PBX3: variants seen among roughly 807,000 people sequenced by gnomAD.
PBX3 encodes the protein PBX homeobox 3.
In PBX3, 14 loss-of-function variants were observed where a neutral mutation model predicts 48.5. That is an observed-to-expected ratio of 0.29 (90% CI 0.19 to 0.45). The LOEUF (loss-of-function observed/expected upper bound fraction) is 0.45, where lower values mean the gene tolerates loss of function less well. Among genes scored for constraint, PBX3 ranks in the 20% least tolerant of loss-of-function variants. The pLI, the probability that PBX3 is intolerant of heterozygous loss-of-function variation, is 1.00. For missense variants in PBX3, 386 were observed against 546.7 expected, an observed-to-expected ratio of 0.71 and a Z score of 2.93; for synonymous variants, 210 against 200.3, an observed-to-expected ratio of 1.05 and a Z score of -0.41.
chr9:125,839,744 A>G (rs1839236860), intron 2 of PBX3, among the ~76,000 whole-genome samples: 1 of 152,212 alleles, frequency 6.6e-6, no homozygotes, highest in African/African-American at 2.4e-5. Flanking sequence ...GGACAAGAAG[A>G]CATGAAAGGC....
intron 3 of PBX3, among the ~76,000 whole-genome samples, chr9:125,919,283 G>A (rs375317784): frequency 4.2e-4 from 64 of 151,238 alleles, no homozygotes; most frequent in African/African-American, 1.5e-3. Flanking sequence ...GTGCAATCTC[G>A]GCTCACTGCG....
chr9:125,961,241 G>A (rs1223064630), intron 6 of PBX3, among the ~76,000 whole-genome samples: 2 of 152,236 alleles, frequency 1.3e-5, no homozygotes, highest in Non-Finnish European at 2.9e-5. Flanking sequence ...GAGGAAGCTG[G>A]AATGCTGGAG....
intron 2 of PBX3, among the ~76,000 whole-genome samples, chr9:125,836,497 G>T (rs1157262198): frequency 6.6e-6 from 1 of 152,160 alleles, no homozygotes. Context: ...TTGCCACAGG[G>T]TGGGAAGCGT....
intron 2 of PBX3, among the ~76,000 whole-genome samples, chr9:125,819,525 CAAAA>C: frequency 6.7e-6 from 1 of 149,316 alleles, no homozygotes; most frequent in East Asian, 2.0e-4. Flanking sequence ...AACTCCATCT[CAAAA>C]AAAAGAAAAA....
chr9:125,799,051 T>C (rs1381083879), intron 2 of PBX3, among the ~76,000 whole-genome samples: 1 of 152,232 alleles, frequency 6.6e-6, no homozygotes, highest in African/African-American at 2.4e-5. Context: ...CTGATGTTTT[T>C]GGGGTTGTCT....
intron 2 of PBX3, among the ~76,000 whole-genome samples, chr9:125,884,979 T>C (rs979596773): frequency 5.3e-5 from 8 of 152,200 alleles, no homozygotes; most frequent in Admixed American, 1.3e-4. Flanking sequence ...CATTGAATGA[T>C]AATGTTTATC....
At chr9:125,955,459 A>C (rs1352534240) in intron 5 of PBX3, among the ~76,000 whole-genome samples, 1 of 152,142 alleles carries the variant, frequency 6.6e-6, no homozygotes, top group Non-Finnish European at 1.5e-5. Context: ...GTCACTATAA[A>C]AAGGGGGTTT....
At position 125,902,944 on chromosome 9, in the gene PBX3, T is replaced by A. The variant is rs553172265; in HGVS notation, c.275-12742T>A. Among the ~76,000 whole-genome samples the A allele has an allele frequency of 3.3e-5, 5 of 151,904 alleles. No homozygotes were observed. In the South Asian group the frequency reaches 1.0e-3, roughly 31 times the overall value. On this transcript the variant is annotated intron_variant, in intron 2 of 8. Coordinates refer to ENST00000373489, the MANE Select transcript of PBX3 (RefSeq NM_006195.6). ...TTATGCTTTTTATTATTCTTTTTCT[T>A]TCTGGTAGAATGAATAAGTAATTCT...
At chr9:125,953,573 C>G (rs964810553) in intron 5 of PBX3, among the ~76,000 whole-genome samples, 1 of 152,028 alleles carries the variant, frequency 6.6e-6, no homozygotes, top group Non-Finnish European at 1.5e-5. Flanking sequence ...AAAGGGTATG[C>G]TAATGTTTGC....
At position 125,945,229 on chromosome 9, in the gene PBX3, GAA is replaced by G. The variant is rs61194830; in HGVS notation, c.843+9634_843+9635del. ...GAAGAGTGAGGCTCTGTCTCAAAAA[GAA>G]AAAAAAAAAAATAGCATGTACTTCC... On this transcript the variant is annotated intron_variant, in intron 5 of 8. Transcript: ENST00000373489. 4.4e-3 allele frequency among the ~76,000 whole-genome samples: 643 copies of G among 145,414 alleles called. 7 individuals are homozygous for G. The highest frequency in any genetic ancestry group is 0.015 in the African/African-American group (577 of 38,748).
At chr9:125,897,819 A>G (rs1352223224) in intron 2 of PBX3, among the ~76,000 whole-genome samples, 2 of 151,914 alleles carry the variant, frequency 1.3e-5, no homozygotes, top group Non-Finnish European at 2.9e-5. Context: ...CTACATGAAT[A>G]TATATTTACC....
chr9:125,835,176 C>G (rs1489463193), intron 2 of PBX3, among the ~76,000 whole-genome samples: 1 of 151,914 alleles, frequency 6.6e-6, no homozygotes, highest in Non-Finnish European at 1.5e-5. Context: ...TGAGTGTTTA[C>G]TATGTGCCAG....
At chr9:125,904,474 A>G (rs935464113) in intron 2 of PBX3, among the ~76,000 whole-genome samples, 1 of 151,892 alleles carries the variant, frequency 6.6e-6, no homozygotes, top group African/African-American at 2.4e-5. Flanking sequence ...AGCATTACAC[A>G]TTGTTTGTTT....
At chr9:125,905,664 C>T (rs185347029) in intron 2 of PBX3, among the ~76,000 whole-genome samples, 5 of 151,932 alleles carry the variant, frequency 3.3e-5, no homozygotes, top group Non-Finnish European at 7.4e-5. Context: ...TTTATCAGTA[C>T]ACTTGTGAAA....
rs556278985 is a variant in PBX3 at position 125,964,479 on chromosome 9, CA to C, written c.1213-1348del. On this transcript the variant is annotated intron_variant, in intron 8 of 8. Transcript: ENST00000373489. ...ATGGGCATGTCATTAGCCAACCTGG[CA>C]AAACAGAGGCTTTAAAACAATACCA... Among the ~76,000 whole-genome samples the C allele has an allele frequency of 5.3e-5, 8 of 149,798 alleles. No individual in the cohort carries two copies. In the East Asian group the frequency reaches 1.4e-3, roughly 26 times the overall value.
chr9:125,845,312 G>A (rs1487969492), intron 2 of PBX3, among the ~76,000 whole-genome samples: 1 of 151,984 alleles, frequency 6.6e-6, no homozygotes, highest in African/African-American at 2.4e-5. Context: ...TTTGAAGATA[G>A]TTTTCTTTTT....
chr9:125,895,314 C>T (rs1490801238), intron 2 of PBX3, among the ~76,000 whole-genome samples: 1 of 151,984 alleles, frequency 6.6e-6, no homozygotes, highest in African/African-American at 2.4e-5. Flanking sequence ...GATAGAGAAA[C>T]CTATTTTCAC....
chr9:125,935,331 G>A (rs1841812248), intron 4 of PBX3, 141 bp from the exon 5 acceptor site: 2 of 687,836 alleles, frequency 2.9e-6, no homozygotes, highest in South Asian at 2.0e-5. Flanking sequence ...AGAACATAAC[G>A]TATAATATCA....
intron 3 of PBX3, among the ~76,000 whole-genome samples, chr9:125,919,606 G>C (rs1278855043): frequency 6.6e-6 from 1 of 152,108 alleles, no homozygotes; most frequent in Non-Finnish European, 1.5e-5. Context: ...TAAATAGGAA[G>C]AACATATATG....
Sources: gnomAD v4.1 joint callset for allele counts (sites outside exome capture counted in the v4.1 genomes callset) on GRCh38, gnomAD v4.1.1 for gene constraint, MANE v1.5 for transcripts, NCBI Gene and HGNC (gene_info 2026-07-23, HGNC 2026-07-21) for gene names.